The following PCDH18 variants were observed in gnomAD, a reference collection of about 807,000 sequenced individuals.
PCDH18 encodes the protein protocadherin-18.
In PCDH18, 38 loss-of-function variants were observed where a neutral mutation model predicts 71.5. That is an observed-to-expected ratio of 0.53 (90% CI 0.41 to 0.70). The LOEUF is 0.70. Among genes scored for constraint, PCDH18 ranks in the 30% least tolerant of loss-of-function variants. PCDH18 has a pLI of 0.00. For missense variants in PCDH18, 1,334 were observed against 1,384.6 expected (o/e 0.96, Z 0.58); for synonymous variants, 565 against 505.4 (o/e 1.12, Z -1.58).
rs868794242 is a variant in PCDH18 at position 137,530,216 on chromosome 4, C to T, written c.1873G>A (p.Glu625Lys). 2 of 1,613,918 alleles carry T rather than the reference C, an allele frequency of 1.2e-6. No individual in the cohort carries two copies. Among genetic ancestry groups the T allele is most frequent in the Non-Finnish European group, 1.7e-6 (2 of 1,179,994 alleles). ...ELSCAIVAGN[E>K]ENIFIIDPRS... ...GGATCAATTATGAAGATATTCTCCT[C>T]ATTACCTGCTACTATGGCGCAGCTG... is the stretch of plus-strand genomic sequence containing the variant. The change falls in exon 1 of 4, where the codon GAG becomes AAG. Residue 625 changes from glutamate (E) to lysine (K), a missense_variant. Glu to Lys is a moderately conservative substitution (Grantham distance 56). This residue lies in a region of PCDH18 where 1,011 missense variants were observed against 1,048.0 expected (regional missense o/e 0.96). Transcript: ENST00000344876.
intron 3 of PCDH18, among the ~76,000 whole-genome samples, chr4:137,525,785 T>C (rs1355578934): frequency 6.6e-6 from 1 of 152,142 alleles, no homozygotes; most frequent in Non-Finnish European, 1.5e-5. Context: ...CACAATGTTA[T>C]GCACAAGCAA....
At position 137,532,201 on chromosome 4, in the gene PCDH18, C is replaced by A; in HGVS notation, c.-113G>T. On this transcript the variant is annotated 5_prime_UTR_variant, in exon 1 of 4. Transcript: ENST00000344876. ...TGGTACTTGAAACTTGAAAGCGTCT[C>A]TTAATAACACAGCACAGCAATTAAC... 1.2e-6 allele frequency: 1 copy of A among 867,532 alleles called. No homozygotes were observed. The highest frequency in any genetic ancestry group is 1.7e-5 in the Admixed American group (1 of 57,242). The allele number at this position is 867,532 out of a possible 1,614,324, so 53.7% of individuals were successfully genotyped here.
At position 137,532,147 on chromosome 4, in the gene PCDH18, A is replaced by G. The variant is rs1731736657; in HGVS notation, c.-59T>C. 4 of 1,349,188 alleles carry G rather than the reference A, an allele frequency of 3.0e-6. No homozygotes were observed. Among genetic ancestry groups the G allele is most frequent in the Non-Finnish European group, 4.3e-6 (4 of 939,620 alleles). The allele number at this position is 1,349,188 out of a possible 1,614,324, so 83.6% of individuals were successfully genotyped here. On this transcript the variant is annotated 5_prime_UTR_variant, in exon 1 of 4. Transcript: ENST00000344876. ...GTTAAAACAGCAAAGCAATTGCCTCAACTTCCTTTGGCAACGTAAAGCTAC... is the reference window on the plus strand; with the variant it reads ...GTTAAAACAGCAAAGCAATTGCCTCGACTTCCTTTGGCAACGTAAAGCTAC...
Position 137,531,768 on chromosome 4 carries a change from C to T in PCDH18, c.321G>A (p.Glu107=), listed in dbSNP as rs908983409. The change falls in exon 1 of 4, where the codon GAG becomes GAA. Residue 107 remains glutamate (E), a synonymous_variant. Coordinates refer to ENST00000344876, the MANE Select transcript of PCDH18 (RefSeq NM_019035.5). ...CTGTGGGTAGAGTGATCACATCAAA[C>T]TCTATGGAACAGTTCAAGTTTTTCT... The part of the protein sequence containing the change: ...LCQKNLNCSI[E]FDVITLPTEH... The T allele has an allele frequency of 3.1e-6, 5 of 1,614,136 alleles. No homozygotes were observed. The highest frequency in any genetic ancestry group is 4.2e-6 in the Non-Finnish European group (5 of 1,180,004).
Position 137,529,835 on chromosome 4 carries a change from G to T in PCDH18, c.2254C>A (p.Arg752=). Residue 752 remains arginine, a synonymous_variant, in exon 1 of 4, where the codon CGG becomes AGG. Coordinates refer to ENST00000344876, the MANE Select transcript of PCDH18 (RefSeq NM_019035.5). Reference sequence around the variant, plus strand: ...GTGATGTCCCCTTTGTGAATCTGCCGGGATGGCCTTTTTGGGTGGTGCTGG... The same window carrying T: ...GTGATGTCCCCTTTGTGAATCTGCCTGGATGGCCTTTTTGGGTGGTGCTGG... ...TYQHHPKRPS[R]QIHKGDITLV... 1 of 1,611,232 alleles carries T rather than the reference G, an allele frequency of 6.2e-7. No individual in the cohort carries two copies. Among genetic ancestry groups the T allele is most frequent in the South Asian group, 1.1e-5 (1 of 90,846 alleles).
chr4:137,528,409 A>G, intron 3 of PCDH18, 69 bp downstream of exon 3: 1 of 1,248,266 alleles, frequency 8.0e-7, no homozygotes, highest in Non-Finnish European at 1.1e-6. Flanking sequence ...TAAGCATGAG[A>G]GAAATTTTTC....
rs1048260048 is a variant in PCDH18 at position 137,529,523 on chromosome 4, A to G, written c.2487+79T>C. ...TTAGTATTGTTACTTATTAATGAAA[A>G]CATTTAAGAACTAGTAAACACAATT... On this transcript the variant is annotated intron_variant, in intron 1 of 3. Transcript: ENST00000344876. The G allele has an allele frequency of 7.3e-6, 7 of 956,580 alleles. No individual in the cohort carries two copies. The African/African-American group carries it at 1.2e-4, about 16-fold the overall frequency. The allele number at this position is 956,580 out of a possible 1,614,324, so 59.3% of individuals were successfully genotyped here.
Position 137,529,585 on chromosome 4 carries a change from G to C in PCDH18, c.2487+17C>G. The C allele has an allele frequency of 6.5e-7, 1 of 1,531,270 alleles. No homozygotes were observed. Among genetic ancestry groups the C allele is most frequent in the Non-Finnish European group, 8.9e-7 (1 of 1,124,800 alleles). 94.9% of individuals were successfully genotyped at this position (1,531,270 alleles called of 1,614,324 possible). ...ACACCTAACATTGCAATGAATTGAT[G>C]CGGTTTATGATCTTACCTCAACAGC... On this transcript the variant is annotated intron_variant, in intron 1 of 3. Coordinates refer to ENST00000344876, the MANE Select transcript of PCDH18 (RefSeq NM_019035.5).
chr4:137,530,703 T>G lies in PCDH18; in HGVS notation c.1386A>C (p.Pro462=), dbSNP rs1486976890. 1.2e-6 allele frequency: 2 copies of G among 1,612,752 alleles called. No individual in the cohort carries two copies. The highest frequency in any genetic ancestry group is 2.2e-5 in the East Asian group (1 of 44,864). ...TVQINDINDN[P]PHFQRSRYEF... ...CATATCGGCTTCTCTGGAAGTGGGG[T>G]GGATTGTCATTGATATCATTGATTT... The change falls in exon 1 of 4, where the codon CCA becomes CCC. Residue 462 remains proline (P), a synonymous_variant. Coordinates refer to ENST00000344876, the MANE Select transcript of PCDH18 (RefSeq NM_019035.5).
At chr4:137,526,355 A>G (rs1731459978) in intron 3 of PCDH18, among the ~76,000 whole-genome samples, 1 of 152,070 alleles carries the variant, frequency 6.6e-6, no homozygotes, top group Admixed American at 6.6e-5. Flanking sequence ...CATGCCCACT[A>G]TGTTACTTTT....
Position 137,531,083 on chromosome 4 carries a change from C to T in PCDH18, c.1006G>A (p.Ala336Thr). 1 of 1,613,362 alleles carries T rather than the reference C, an allele frequency of 6.2e-7. No homozygotes were observed. The change falls in exon 1 of 4, where the codon GCC becomes ACC. Residue 336 changes from alanine (A) to threonine (T), a missense_variant. By Grantham distance (58) the Ala-to-Thr change is moderately conservative (BLOSUM62 0). Transcript: ENST00000344876. ...ACCTTAATTATAATTTTGCAATGGG[C>T]TGGGATTGAATTTGGACCCAAATCT... ...AQDLGPNSIP[A>T]HCKIIIKVVD... is the part of the protein sequence containing the mutation.
chr4:137,528,620 G>C lies in PCDH18; in HGVS notation c.2598C>G (p.Asp866Glu), dbSNP rs2149215045. 1 of 1,613,728 alleles carries C rather than the reference G, an allele frequency of 6.2e-7. No individual in the cohort carries two copies. Among genetic ancestry groups the C allele is most frequent in the Non-Finnish European group, 8.5e-7 (1 of 1,179,848 alleles). ...GGCCACTGTCTTTCAAGCTAAATTT[G>C]TCCATGTCTTGAAGGGCATATCTGG... ...RSYRYALQDM[D>E]KFSLKDSGRG... The change falls in exon 3 of 4, where the codon GAC becomes GAG. Residue 866 changes from aspartate (D) to glutamate (E), a missense_variant. Physicochemically the swap from Asp to Glu is conservative, Grantham distance 45. Around this residue, in one of 3 missense-constraint regions of PCDH18, gnomAD observed 1,011 missense variants for 1,048.0 expected, o/e 0.96. Coordinates refer to ENST00000344876, the MANE Select transcript of PCDH18 (RefSeq NM_019035.5).
At chr4:137,523,475 G>A (rs536595287) in intron 3 of PCDH18, among the ~76,000 whole-genome samples, 9 of 151,394 alleles carry the variant, frequency 5.9e-5, no homozygotes, top group East Asian at 5.8e-4. Flanking sequence ...TCTTAATTCC[G>A]CAGGTCTCTG....
chr4:137,525,228 T>C (rs1731413235), intron 3 of PCDH18, among the ~76,000 whole-genome samples: 1 of 152,120 alleles, frequency 6.6e-6, no homozygotes, highest in South Asian at 2.1e-4. Context: ...AAAAAATGCA[T>C]ACCAATTTGA....
In PCDH18 at chr4:137,529,898, T is replaced by C; in HGVS notation, c.2191A>G (p.Thr731Ala). The change falls in exon 1 of 4, where the codon ACT becomes GCT. Residue 731 changes from threonine (T) to alanine (A), a missense_variant. By Grantham distance (58) the Thr-to-Ala change is moderately conservative (BLOSUM62 0). Around this residue, in one of 3 missense-constraint regions of PCDH18, gnomAD observed 1,011 missense variants for 1,048.0 expected, o/e 0.96. Transcript: ENST00000344876. Reference sequence around the variant, plus strand: ...GCCACCCTGCAGTTATAGGATCTAGTGTCTTTCTTCTCGCGGTTACACCTA... The same window carrying C: ...GCCACCCTGCAGTTATAGGATCTAGCGTCTTTCTTCTCGCGGTTACACCTA... The part of the protein sequence containing the change: ...ATRCNREKKD[T>A]RSYNCRVAES... 6.2e-7 allele frequency: 1 copy of C among 1,614,018 alleles called. No homozygotes were observed. Among genetic ancestry groups the C allele is most frequent in the Non-Finnish European group, 8.5e-7 (1 of 1,179,974 alleles).
In PCDH18 at chr4:137,530,081, C is replaced by T. The variant is rs767568658; in HGVS notation, c.2008G>A (p.Val670Ile). Reference protein sequence around the residue: ...DKGNPQLHTKVLLKCMIFEYA... With the variant: ...DKGNPQLHTKILLKCMIFEYA... ...TCAAAGATCATGCACTTCAGAAGGA[C>T]TTTGGTATGTAGCTGAGGATTGCCT... Residue 670 changes from valine (V) to isoleucine (I), a missense_variant, in exon 1 of 4, where the codon GTC becomes ATC. By Grantham distance (29) the Val-to-Ile change is conservative (BLOSUM62 3). Transcript: ENST00000344876. The T allele has an allele frequency of 1.2e-6, 2 of 1,614,042 alleles. No individual in the cohort carries two copies. The highest frequency in any genetic ancestry group is 2.2e-5 in the East Asian group (1 of 44,864).
rs1297046436 is a variant in PCDH18, at chr4:137,531,578, G to A, written c.511C>T (p.Leu171Phe). The A allele has an allele frequency of 5.0e-6, 8 of 1,613,520 alleles. No homozygotes were observed. The Admixed American group carries it at 1.0e-4, about 20-fold the overall frequency. The stretch of plus-strand genomic sequence containing the variant: ...TTGGCAGAGAGCGAGTATGTGTGGA[G>A]GGAATTTTCCCCAACATCTGGATCA... ...AFDPDVGENS[L>F]HTYSLSANDF... Residue 171 changes from leucine to phenylalanine, a missense_variant, in exon 1 of 4, where the codon CTC becomes TTC. By Grantham distance (22) the Leu-to-Phe change is conservative. Around this residue, in one of 3 missense-constraint regions of PCDH18, gnomAD observed 1,011 missense variants for 1,048.0 expected, o/e 0.96. Transcript: ENST00000344876.
chr4:137,523,050 G>A (rs1237834678), intron 3 of PCDH18, among the ~76,000 whole-genome samples: 1 of 152,024 alleles, frequency 6.6e-6, no homozygotes, highest in South Asian at 2.1e-4. Flanking sequence ...AAGTTTTAAT[G>A]AAAAGGAGGA....
rs201755102 is a variant in PCDH18, at chr4:137,529,837, G to A, written c.2252C>T (p.Ser751Phe). 8.8e-5 allele frequency: 142 copies of A among 1,611,484 alleles called. No individual in the cohort carries two copies. Among genetic ancestry groups the A allele is most frequent in the Non-Finnish European group, 1.2e-4 (139 of 1,178,266 alleles). ...STYQHHPKRPSRQIHKGDITL... is the reference protein window; with the variant it reads ...STYQHHPKRPFRQIHKGDITL... ...GATGTCCCCTTTGTGAATCTGCCGG[G>A]ATGGCCTTTTTGGGTGGTGCTGGTA... The change falls in exon 1 of 4, where the codon TCC becomes TTC. Residue 751 changes from serine to phenylalanine, a missense_variant. Around this residue, in one of 3 missense-constraint regions of PCDH18, gnomAD observed 1,011 missense variants for 1,048.0 expected, o/e 0.96. Coordinates refer to ENST00000344876, the MANE Select transcript of PCDH18 (RefSeq NM_019035.5).
Sources: allele counts gnomAD v4.1 joint callset (sites outside exome capture counted in the v4.1 genomes callset), GRCh38; gene constraint gnomAD v4.1.1; regional missense constraint gnomAD v4.1.1; transcripts MANE v1.5; gene names NCBI Gene and HGNC (gene_info 2026-07-23, HGNC 2026-07-21).